The following CLNK variants were observed in gnomAD, a reference collection of about 807,000 sequenced individuals.
CLNK encodes cytokine-dependent hematopoietic cell linker.
Under a neutral mutation model 68.6 loss-of-function variants are expected in CLNK, and 74 were observed. That is an observed-to-expected ratio of 1.08 (90% CI 0.89 to 1.31). The LOEUF (loss-of-function observed/expected upper bound fraction) is 1.31, where lower values mean the gene tolerates loss of function less well. CLNK is among the 50% of genes most tolerant of loss of function. The pLI, the probability that CLNK is intolerant of heterozygous loss-of-function variation, is 0.00. For synonymous variants in CLNK, 198 were observed against 172.2 expected (o/e 1.15, Z -1.17); for missense variants, 553 against 515.3 (o/e 1.07, Z -0.71).
At chr4:10,671,291 C>A (rs1050720889) in intron 1 of CLNK, among the ~76,000 whole-genome samples, 1 of 151,976 alleles carries the variant, frequency 6.6e-6, no homozygotes, top group Non-Finnish European at 1.5e-5. Context: ...GAGGCTGAGG[C>A]AGGAGAATTG....
Position 10,548,883 on chromosome 4 carries a change from T to G in CLNK, c.446-6603A>C, listed in dbSNP as rs73810313. 6.7e-3 allele frequency among the ~76,000 whole-genome samples: 1,025 copies of G among 152,314 alleles called. 8 individuals are homozygous for G. The highest frequency in any genetic ancestry group is 0.024 in the African/African-American group (1,001 of 41,574). On this transcript the variant is annotated intron_variant, in intron 8 of 18. Coordinates refer to ENST00000226951, the MANE Select transcript of CLNK (RefSeq NM_052964.4). ...GCACTCTGCCTTACTTGTGTGCATG[T>G]TTGGTGTACCACTGACCACGACAGC...
intron 3 of CLNK, 51 bp from the exon 4 acceptor site, chr4:10,585,006 G>C: frequency 2.5e-6 from 4 of 1,596,096 alleles, no homozygotes; most frequent in Non-Finnish European, 3.4e-6. Context: ...CACCTCCACC[G>C]ACCCCCCGCC....
chr4:10,670,284 G>A (rs990173958), intron 1 of CLNK, among the ~76,000 whole-genome samples: 1 of 152,192 alleles, frequency 6.6e-6, no homozygotes, highest in African/African-American at 2.4e-5. Context: ...AGTATTTATA[G>A]AGATTAAATT....
intron 2 of CLNK, among the ~76,000 whole-genome samples, chr4:10,603,859 A>C (rs1470277977): frequency 6.6e-6 from 1 of 152,204 alleles, no homozygotes; most frequent in Non-Finnish European, 1.5e-5. Context: ...AGTGTAGTAC[A>C]AGATCATCTT....
chr4:10,604,491 T>C (rs986208442), intron 2 of CLNK, among the ~76,000 whole-genome samples: 1 of 152,088 alleles, frequency 6.6e-6, no homozygotes, highest in Non-Finnish European at 1.5e-5. Flanking sequence ...GGGGTCATGA[T>C]ACACCATGGC....
chr4:10,530,573 G>C lies in CLNK; in HGVS notation c.630+1683C>G, dbSNP rs114203377. Among the ~76,000 whole-genome samples the C allele has an allele frequency of 1.4e-3, 210 of 152,304 alleles. 2 individuals are homozygous for C. The highest frequency in any genetic ancestry group is 4.9e-3 in the African/African-American group (205 of 41,556). On this transcript the variant is annotated intron_variant, in intron 12 of 18. Transcript: ENST00000226951. ...TTCTAGCAGAATGCCAACTAAAGTT[G>C]CAAAGAAAACAAACAGTTCTGCACA... is the stretch of plus-strand genomic sequence containing the variant.
At chr4:10,635,144 G>T (rs1032296960) in intron 2 of CLNK, among the ~76,000 whole-genome samples, 3 of 152,208 alleles carry the variant, frequency 2.0e-5, no homozygotes, top group African/African-American at 7.2e-5. Context: ...ATTTTGACAA[G>T]AATTTAGTGA....
chr4:10,588,558 G>T lies in CLNK; in HGVS notation c.84-3603C>A, dbSNP rs190117274. Among the ~76,000 whole-genome samples, 13 of 152,232 alleles carry T rather than the reference G, an allele frequency of 8.5e-5. No individual in the cohort carries two copies. The East Asian group carries it at 2.5e-3, about 29-fold the overall frequency. Reference sequence around the variant, plus strand: ...GAGCACCTGTTTGGGCACTAAGATAGGTTCAACTCTGGCTGGTAGACATTT... The same window carrying T: ...GAGCACCTGTTTGGGCACTAAGATATGTTCAACTCTGGCTGGTAGACATTT... On this transcript the variant is annotated intron_variant, in intron 3 of 18. Transcript: ENST00000226951.
chr4:10,559,369 G>A (rs77138470), intron 7 of CLNK, among the ~76,000 whole-genome samples: 4,207 of 152,160 alleles, frequency 0.028, 93 homozygotes, highest in Middle Eastern at 0.085. Context: ...ATCTAATTAG[G>A]GGTTGAGTGT....
chr4:10,650,355 T>A (rs1182901691), intron 2 of CLNK, among the ~76,000 whole-genome samples: 1 of 151,796 alleles, frequency 6.6e-6, no homozygotes, highest in Non-Finnish European at 1.5e-5. Context: ...AATGACAGAG[T>A]ACTGAGAAAT....
intron 2 of CLNK, among the ~76,000 whole-genome samples, chr4:10,613,990 C>T (rs1238841399): frequency 6.6e-6 from 1 of 152,202 alleles, no homozygotes; most frequent in Admixed American, 6.5e-5. Flanking sequence ...GCCCAGGCCA[C>T]CCTCAGTGGC....
At position 10,538,537 on chromosome 4, in the gene CLNK, A is replaced by T. The variant is rs769090367; in HGVS notation, c.602+1957T>A. Among the ~76,000 whole-genome samples, 14 of 152,178 alleles carry T rather than the reference A, an allele frequency of 9.2e-5. No homozygotes were observed. In the South Asian group the frequency reaches 1.2e-3, roughly 14 times the overall value. On this transcript the variant is annotated intron_variant, in intron 11 of 18. Transcript: ENST00000226951. Reference sequence around the variant, plus strand: ...GAGTTTTAGGAATGCTGCATTTTACATTTCCAACTCTGATAACACAGCTTC... The same window carrying T: ...GAGTTTTAGGAATGCTGCATTTTACTTTTCCAACTCTGATAACACAGCTTC...
At chr4:10,631,040 G>C (rs1722870711) in intron 2 of CLNK, among the ~76,000 whole-genome samples, 1 of 142,362 alleles carries the variant, frequency 7.0e-6, no homozygotes, top group Non-Finnish European at 1.6e-5. Context: ...GGCACCAAAT[G>C]CCAGTGCTGC....
chr4:10,542,246 T>C lies in CLNK; in HGVS notation c.471+9A>G. The C allele has an allele frequency of 1.3e-6, 2 of 1,504,380 alleles. No homozygotes were observed. The highest frequency in any genetic ancestry group is 1.8e-6 in the Non-Finnish European group (2 of 1,099,782). 93.2% of individuals were successfully genotyped at this position (1,504,380 alleles called of 1,614,324 possible). A position where few individuals can be genotyped will look rare whatever the true frequency, so the allele number is the denominator to read the frequency against. Reference sequence around the variant, plus strand: ...TGAATAACAAATGCATTTTATTGATTTCTCTTACCTTGTTCTTTCTTACGG... The same window carrying C: ...TGAATAACAAATGCATTTTATTGATCTCTCTTACCTTGTTCTTTCTTACGG... On this transcript the variant is annotated intron_variant, in intron 9 of 18. Coordinates refer to ENST00000226951, the MANE Select transcript of CLNK (RefSeq NM_052964.4).
chr4:10,729,851 T>A, the CLNK span, among the ~76,000 whole-genome samples: 2 of 152,258 alleles, frequency 1.3e-5, no homozygotes, highest in African/African-American at 4.8e-5. Context: ...GTTTAAGGTA[T>A]AATTCTTGCA....
chr4:10,718,390 C>T, the CLNK span, among the ~76,000 whole-genome samples: 1 of 151,966 alleles, frequency 6.6e-6, no homozygotes, highest in East Asian at 1.9e-4. Context: ...ATCTTGAAAG[C>T]AGCAAGAGAG....
rs145000574 is a variant in CLNK at position 10,655,328 on chromosome 4, CAA to C, written c.11+12529_11+12530del. On this transcript the variant is annotated intron_variant, in intron 2 of 18. Coordinates refer to ENST00000226951, the MANE Select transcript of CLNK (RefSeq NM_052964.4). ...CAAAGTAATTCCGGCCTAAAACCCC[CAA>C]AGACAGAGAGAGAGAGAGAGAGAGA... 8.7e-3 allele frequency among the ~76,000 whole-genome samples: 759 copies of C among 87,602 alleles called. 23 individuals carry two copies. The highest frequency in any genetic ancestry group is 0.033 in the African/African-American group (705 of 21,612). The allele number at this position is 87,602 out of a possible 152,430, so 57.5% of individuals were successfully genotyped here.
chr4:10,512,554 G>A (rs1162043266), intron 16 of CLNK, among the ~76,000 whole-genome samples: 1 of 152,026 alleles, frequency 6.6e-6, no homozygotes, highest in Non-Finnish European at 1.5e-5. Context: ...ATTTTCCAAA[G>A]TCTAATTTAA....
chr4:10,550,809 T>C (rs1292895662), intron 8 of CLNK, among the ~76,000 whole-genome samples: 1 of 152,228 alleles, frequency 6.6e-6, no homozygotes. Flanking sequence ...TTCCACCTTT[T>C]CACTTAAAGG....
Sources: gnomAD v4.1 joint callset for allele counts (sites outside exome capture counted in the v4.1 genomes callset) on GRCh38, gnomAD v4.1.1 for gene constraint, MANE v1.5 for transcripts, NCBI Gene and HGNC (gene_info 2026-07-23, HGNC 2026-07-21) for gene names.